The following ASIC2 variants were observed in gnomAD, a reference collection of about 807,000 sequenced individuals.
ASIC2 encodes acid sensing ion channel subunit 2, also known as acid-sensing ion channel 2.
A neutral mutation model predicts 57.3 loss-of-function variants in ASIC2; 25 were observed. That is an observed-to-expected ratio of 0.44 (90% CI 0.32 to 0.61). The LOEUF (loss-of-function observed/expected upper bound fraction) is 0.61, where lower values mean the gene tolerates loss of function less well. Ranked by LOEUF, ASIC2 falls within the 20% of genes least tolerant of loss-of-function variation. The pLI is 0.06. For missense variants in ASIC2, 641 were observed against 738.1 expected (o/e 0.87, Z 1.52); for synonymous variants, 319 against 307.5 (o/e 1.04, Z -0.39).
intron 1 of ASIC2, among the ~76,000 whole-genome samples, chr17:33,140,569 C>T (rs995264767): frequency 6.6e-6 from 1 of 152,318 alleles, no homozygotes. Flanking sequence ...ATTGTACAAG[C>T]CCATGAAAAG....
chr17:33,075,473 G>A (rs1231115946), intron 3 of ASIC2, among the ~76,000 whole-genome samples: 1 of 152,118 alleles, frequency 6.6e-6, no homozygotes, highest in Non-Finnish European at 1.5e-5. Context: ...TCCCTGCTCT[G>A]CCATCAGTAA....
intron 3 of ASIC2, among the ~76,000 whole-genome samples, chr17:33,035,239 T>A (rs1350753277): frequency 6.6e-6 from 1 of 152,194 alleles, no homozygotes; most frequent in African/African-American, 2.4e-5. Flanking sequence ...TTATTTAACA[T>A]GTTTATGATT....
chr17:33,072,307 A>G (rs1220717918), intron 3 of ASIC2, among the ~76,000 whole-genome samples: 1 of 152,038 alleles, frequency 6.6e-6, no homozygotes, highest in Admixed American at 6.6e-5. Context: ...TGTTTTTCAT[A>G]TATTTTGTTT....
intron 1 of ASIC2, among the ~76,000 whole-genome samples, chr17:34,031,271 G>A (rs1046474673): frequency 6.6e-6 from 1 of 152,208 alleles, no homozygotes; most frequent in Non-Finnish European, 1.5e-5. Flanking sequence ...TGGACCTCTA[G>A]CAAACTCCAA....
At chr17:33,891,247 C>T (rs1463198304) in intron 1 of ASIC2, among the ~76,000 whole-genome samples, 1 of 152,188 alleles carries the variant, frequency 6.6e-6, no homozygotes, top group Non-Finnish European at 1.5e-5. Context: ...CCACCCAAGT[C>T]TTAGTGTGAA....
At chr17:33,168,599 A>C (rs1045395768) in intron 1 of ASIC2, among the ~76,000 whole-genome samples, 5 of 152,358 alleles carry the variant, frequency 3.3e-5, no homozygotes, top group African/African-American at 1.2e-4. Flanking sequence ...GTTGCAAAGA[A>C]CTTGGTGGAA....
chr17:33,611,791 T>G lies in ASIC2; in HGVS notation c.556-499724A>C, dbSNP rs537080515. Among the ~76,000 whole-genome samples the G allele has an allele frequency of 3.3e-5, 5 of 152,280 alleles. No individual in the cohort carries two copies. The South Asian group carries it at 1.0e-3, about 32-fold the overall frequency. On this transcript the variant is annotated intron_variant, in intron 1 of 9. Transcript: ENST00000359872. The stretch of plus-strand genomic sequence containing the variant: ...GGAGAGTCACATGACCAAGGCCAAC[T>G]CAATGGGGTGGAGGAATATTCTCTG...
intron 1 of ASIC2, chr17:33,534,021 A>G (rs1915144091): frequency 6.6e-6 from 1 of 152,252 alleles, no homozygotes; most frequent in South Asian, 2.1e-4. Context: ...TTTAATCATA[A>G]GCTATTCTTA....
chr17:33,890,286 C>A (rs2141946613), intron 1 of ASIC2, among the ~76,000 whole-genome samples: 1 of 152,308 alleles, frequency 6.6e-6, no homozygotes, highest in African/African-American at 2.4e-5. Context: ...TGCATTATAA[C>A]ACCAACTGGC....
At chr17:33,798,590 G>A (rs1266750625) in intron 1 of ASIC2, among the ~76,000 whole-genome samples, 1 of 152,154 alleles carries the variant, frequency 6.6e-6, no homozygotes, top group Non-Finnish European at 1.5e-5. Context: ...GAGTAGGGTT[G>A]GCTTTGCTTA....
At chr17:33,129,292 T>C (rs913096851) in intron 1 of ASIC2, among the ~76,000 whole-genome samples, 5 of 152,202 alleles carry the variant, frequency 3.3e-5, no homozygotes, top group African/African-American at 9.7e-5. Flanking sequence ...AAATCAGGTC[T>C]CCTTCTATTA....
chr17:33,369,090 G>A (rs896403728), intron 1 of ASIC2, among the ~76,000 whole-genome samples: 7 of 152,124 alleles, frequency 4.6e-5, no homozygotes, highest in South Asian at 2.1e-4. Flanking sequence ...TAAAACAATG[G>A]GAGCAAATGC....
In ASIC2 at chr17:33,846,660, A is replaced by C. The variant is rs955535463; in HGVS notation, c.555+309318T>G. ...TAAACACACATGCACACCCACCCACACACAATAACACCGTCTACTTCTTTC... is the reference window on the plus strand; with the variant it reads ...TAAACACACATGCACACCCACCCACCCACAATAACACCGTCTACTTCTTTC... On this transcript the variant is annotated intron_variant, in intron 1 of 9. Coordinates refer to the ASIC2 transcript ENST00000359872. Among the ~76,000 whole-genome samples, 13 of 152,174 alleles carry C rather than the reference A, an allele frequency of 8.5e-5. 1 individual carries two copies. The East Asian group carries it at 1.4e-3, about 16-fold the overall frequency.
chr17:33,999,116 C>T (rs1906253594), intron 1 of ASIC2, among the ~76,000 whole-genome samples: 1 of 151,938 alleles, frequency 6.6e-6, no homozygotes, highest in African/African-American at 2.4e-5. Flanking sequence ...ATGTAATGAC[C>T]TTCTTCATCT....
At chr17:34,051,388 C>T (rs1908549580) in intron 1 of ASIC2, among the ~76,000 whole-genome samples, 1 of 152,196 alleles carries the variant, frequency 6.6e-6, no homozygotes, top group Non-Finnish European at 1.5e-5. Flanking sequence ...AGCTGTGCAC[C>T]TTTGGGTTAG....
intron 1 of ASIC2, among the ~76,000 whole-genome samples, chr17:33,910,976 C>A (rs1204031345): frequency 6.6e-6 from 1 of 152,116 alleles, no homozygotes; most frequent in Non-Finnish European, 1.5e-5. Flanking sequence ...AGAGGAAGCC[C>A]AGCCTAGCGA....
chr17:34,129,292 A>G (rs1911883794), intron 1 of ASIC2, among the ~76,000 whole-genome samples: 1 of 152,222 alleles, frequency 6.6e-6, no homozygotes, highest in Non-Finnish European at 1.5e-5. Flanking sequence ...TGGTGGAACC[A>G]GCATCCAAGC....
At chr17:33,744,411 A>G (rs1910199481) in intron 1 of ASIC2, among the ~76,000 whole-genome samples, 1 of 152,238 alleles carries the variant, frequency 6.6e-6, no homozygotes, top group Non-Finnish European at 1.5e-5. Context: ...TTAGTAAACA[A>G]GCATCCAAAG....
Position 33,088,897 on chromosome 17 carries a change from C to T in ASIC2, c.953G>A (p.Gly318Glu), listed in dbSNP as rs745617613. Residue 318 changes from glycine (G) to glutamate (E), a missense_variant, in exon 3 of 10, where the codon GGG becomes GAG. Coordinates refer to ENST00000225823, the MANE Select transcript of ASIC2 (RefSeq NM_183377.2). ...CTGTGTGGCCACAAAGGTCTGGAACCCTGGAGCCACCCCAAAGCCCAGCTC... is the reference window on the plus strand; with the variant it reads ...CTGTGTGGCCACAAAGGTCTGGAACTCTGGAGCCACCCCAAAGCCCAGCTC... ...IQELGFGVAP[G>E]FQTFVATQEQ... 6.2e-7 allele frequency: 1 copy of T among 1,613,954 alleles called. No individual in the cohort carries two copies. Among genetic ancestry groups the T allele is most frequent in the Admixed American group, 1.7e-5 (1 of 60,006 alleles).
Sources: allele counts gnomAD v4.1 joint callset (sites outside exome capture counted in the v4.1 genomes callset), GRCh38; gene constraint gnomAD v4.1.1; transcripts MANE v1.5; gene names NCBI Gene and HGNC (gene_info 2026-07-23, HGNC 2026-07-21).